AFF3: variants seen among roughly 807,000 people sequenced by gnomAD.
AFF3 encodes the protein AF4/FMR2 family member 3.
In AFF3, 32 loss-of-function variants were observed where a neutral mutation model predicts 129.7. That is an observed-to-expected ratio of 0.25 (90% CI 0.19 to 0.33). The LOEUF (loss-of-function observed/expected upper bound fraction) is 0.33, where lower values mean the gene tolerates loss of function less well. Among genes scored for constraint, AFF3 ranks in the 10% least tolerant of loss-of-function variants. AFF3 has a pLI of 1.00. For missense variants in AFF3, 1,373 were observed against 1,592.0 expected (o/e 0.86, Z 2.34); for synonymous variants, 644 against 635.4 (o/e 1.01, Z -0.20).
intron 4 of AFF3, among the ~76,000 whole-genome samples, chr2:100,033,400 T>C (rs1684668372): frequency 6.6e-6 from 1 of 152,224 alleles, no homozygotes; most frequent in African/African-American, 2.4e-5. Flanking sequence ...ACACATACAC[T>C]CATAAACACA....
intron 13 of AFF3, among the ~76,000 whole-genome samples, chr2:99,640,703 A>G (rs969402795): frequency 6.6e-6 from 1 of 152,138 alleles, no homozygotes; most frequent in South Asian, 2.1e-4. Flanking sequence ...ACTGCATTCA[A>G]TAAGTCATGA....
At chr2:99,618,855 C>G (rs1425457016) in intron 13 of AFF3, among the ~76,000 whole-genome samples, 1 of 152,114 alleles carries the variant, frequency 6.6e-6, no homozygotes, top group Non-Finnish European at 1.5e-5. Flanking sequence ...TTCCATAAAC[C>G]TGGCTGCTTC....
chr2:99,657,330 G>A (rs6738724), intron 12 of AFF3, among the ~76,000 whole-genome samples: 128,127 of 152,196 alleles, frequency 0.84, 53,994 homozygotes, highest in East Asian at 0.92. Flanking sequence ...TTTTGTAAAA[G>A]TTCTCAAGCT....
At chr2:100,082,251 G>C (rs1689096252) in intron 4 of AFF3, among the ~76,000 whole-genome samples, 1 of 152,086 alleles carries the variant, frequency 6.6e-6, no homozygotes, top group African/African-American at 2.4e-5. Flanking sequence ...ACGAATGAAT[G>C]AATGGACAAA....
chr2:100,026,307 T>G (rs774612561), intron 4 of AFF3, among the ~76,000 whole-genome samples: 46 of 152,218 alleles, frequency 3.0e-4, no homozygotes, highest in South Asian at 8.3e-4. Flanking sequence ...ATGCTCAACA[T>G]CACTAATGAT....
intron 11 of AFF3, among the ~76,000 whole-genome samples, chr2:99,691,401 T>C (rs758148062): frequency 6.6e-6 from 1 of 152,206 alleles, no homozygotes; most frequent in Non-Finnish European, 1.5e-5. Flanking sequence ...CATTCAGAGT[T>C]GCTGATGCTA....
chr2:99,880,428 C>T (rs1272440821), intron 7 of AFF3, among the ~76,000 whole-genome samples: 4 of 152,152 alleles, frequency 2.6e-5, no homozygotes, highest in African/African-American at 9.7e-5. Context: ...GACACCTGAC[C>T]TTTTATAAAA....
chr2:99,631,281 C>T (rs1575553177), intron 13 of AFF3, among the ~76,000 whole-genome samples: 1 of 152,254 alleles, frequency 6.6e-6, no homozygotes, highest in Non-Finnish European at 1.5e-5. Flanking sequence ...TCATGACACC[C>T]AATCCAGACA....
chr2:99,891,166 T>A (rs1693521277), intron 7 of AFF3, among the ~76,000 whole-genome samples: 1 of 152,034 alleles, frequency 6.6e-6, no homozygotes, highest in South Asian at 2.1e-4. Flanking sequence ...TAGGATTGGC[T>A]ATTTGGAATA....
chr2:99,896,183 G>A (rs980838469), intron 7 of AFF3, among the ~76,000 whole-genome samples: 3 of 151,756 alleles, frequency 2.0e-5, no homozygotes, highest in Admixed American at 6.6e-5. Flanking sequence ...TAAGTTTCTG[G>A]ATAAATAACT....
Position 99,582,147 on chromosome 2 carries a change from G to A in AFF3, c.2793+651C>T, listed in dbSNP as rs559544923. Reference sequence around the variant, plus strand: ...TGGGATTACAGGCATGAGCCACCACGCCCGGTCGGGGTCTTTTCATGATAT... The same window carrying A: ...TGGGATTACAGGCATGAGCCACCACACCCGGTCGGGGTCTTTTCATGATAT... On this transcript the variant is annotated intron_variant, in intron 17 of 24. Transcript: ENST00000672756. Among the ~76,000 whole-genome samples, 12 of 152,298 alleles carry A rather than the reference G, an allele frequency of 7.9e-5. No individual in the cohort carries two copies. The South Asian group carries it at 2.1e-3, about 26-fold the overall frequency.
intron 8 of AFF3, among the ~76,000 whole-genome samples, chr2:99,835,514 GA>G (rs1688802835): frequency 6.6e-6 from 1 of 151,994 alleles, no homozygotes; most frequent in South Asian, 2.1e-4. Flanking sequence ...GCCATTCCAG[GA>G]AACACTGGGA....
chr2:99,694,050 TGGG>T (rs908647053), intron 11 of AFF3, among the ~76,000 whole-genome samples: 1 of 152,056 alleles, frequency 6.6e-6, no homozygotes, highest in African/African-American at 2.4e-5. Context: ...CCCGAGTAGC[TGGG>T]ATTACAGGCA....
At chr2:99,913,094 G>T (rs988951086) in intron 7 of AFF3, among the ~76,000 whole-genome samples, 1 of 152,144 alleles carries the variant, frequency 6.6e-6, no homozygotes, top group Non-Finnish European at 1.5e-5. Context: ...CTTCAGTTCA[G>T]AGGGGAAAAG....
At chr2:100,011,230 C>A (rs553726189) in intron 4 of AFF3, among the ~76,000 whole-genome samples, 1 of 152,092 alleles carries the variant, frequency 6.6e-6, no homozygotes, top group South Asian at 2.1e-4. Context: ...GCCGAGATTG[C>A]GCCACTGCAC....
At chr2:100,127,264 C>T (rs958713301) in intron 2 of AFF3, among the ~76,000 whole-genome samples, 1 of 152,192 alleles carries the variant, frequency 6.6e-6, no homozygotes, top group Admixed American at 6.5e-5. Context: ...GATGTTCAGT[C>T]CTGCTCCCTC....
intron 7 of AFF3, among the ~76,000 whole-genome samples, chr2:99,946,739 T>C (rs1035495112): frequency 6.6e-6 from 1 of 152,170 alleles, no homozygotes; most frequent in Non-Finnish European, 1.5e-5. Flanking sequence ...AAATGGTCTG[T>C]TGGAGGAAAC....
At chr2:99,906,032 A>G (rs1243408420) in intron 7 of AFF3, among the ~76,000 whole-genome samples, 1 of 152,214 alleles carries the variant, frequency 6.6e-6, no homozygotes, top group Admixed American at 6.5e-5. Flanking sequence ...AGAAACTTTC[A>G]TAGGTCCCAA....
At chr2:100,086,458 T>A (rs1455616901) in intron 4 of AFF3, among the ~76,000 whole-genome samples, 2 of 152,022 alleles carry the variant, frequency 1.3e-5, no homozygotes, top group Admixed American at 1.3e-4. Context: ...GAGGCAGAGG[T>A]TGCAGTGAGC....
Sources: allele counts gnomAD v4.1 joint callset (sites outside exome capture counted in the v4.1 genomes callset), GRCh38; gene constraint gnomAD v4.1.1; transcripts MANE v1.5; gene names NCBI Gene and HGNC (gene_info 2026-07-23, HGNC 2026-07-21).